Variants in SNW1 observed in about 807,000 individuals in gnomAD.
SNW1 encodes SNW domain-containing protein 1.
A neutral mutation model predicts 75.6 loss-of-function variants in SNW1; 9 were observed. That is an observed-to-expected ratio of 0.12 (90% CI 0.07 to 0.21). SNW1 has a LOEUF of 0.21. Among genes scored for constraint, SNW1 ranks in the 10% least tolerant of loss-of-function variants. The pLI is 1.00. For synonymous variants in SNW1, 200 were observed against 219.1 expected (o/e 0.91, Z 0.77); for missense variants, 409 against 670.9 (o/e 0.61, Z 4.31).
intron 10 of SNW1, among the ~76,000 whole-genome samples, chr14:77,724,983 C>G (rs1213751422): frequency 6.7e-6 from 1 of 148,836 alleles, no homozygotes; most frequent in African/African-American, 2.6e-5. Context: ...TACTAGTGTT[C>G]CCCCCCTTCT....
intron 5 of SNW1, among the ~76,000 whole-genome samples, chr14:77,738,502 C>T (rs1189027554): frequency 6.6e-6 from 1 of 151,956 alleles, no homozygotes; most frequent in African/African-American, 2.4e-5. Flanking sequence ...ATCACCTGAG[C>T]CCAGGAGGTG....
intron 3 of SNW1, among the ~76,000 whole-genome samples, chr14:77,742,991 C>T (rs35657726): frequency 0.34 from 50,846 of 151,420 alleles, 9,816 homozygotes; most frequent in East Asian, 0.5. Flanking sequence ...TTTAGGAGGC[C>T]GAGGTGGGTG....
chr14:77,733,467 G>A (rs2080643212), intron 8 of SNW1, among the ~76,000 whole-genome samples: 2 of 150,936 alleles, frequency 1.3e-5, no homozygotes, highest in Admixed American at 1.3e-4. Flanking sequence ...AAAAAAGGCT[G>A]GGTGCAGTAG....
At chr14:77,727,818 C>A (rs964179324) in intron 10 of SNW1, among the ~76,000 whole-genome samples, 55 of 152,028 alleles carry the variant, frequency 3.6e-4, no homozygotes, top group Non-Finnish European at 5.9e-5. Context: ...ATTTTTGCAT[C>A]TAAGATTATC....
chr14:77,731,993 C>T (rs1008987347), intron 9 of SNW1, among the ~76,000 whole-genome samples: 17 of 152,142 alleles, frequency 1.1e-4, no homozygotes, highest in African/African-American at 3.9e-4. Flanking sequence ...GTCTTGGCCT[C>T]CCAAAATGCT....
chr14:77,722,560 AAC>A (rs1205252132), intron 11 of SNW1: 2 of 434,736 alleles, frequency 4.6e-6, no homozygotes, highest in African/African-American at 4.1e-5. Flanking sequence ...AACGGACTAT[AAC>A]AGTCCAAATT....
chr14:77,741,129 T>G (rs1485301874), intron 3 of SNW1, among the ~76,000 whole-genome samples: 2 of 148,686 alleles, frequency 1.3e-5, no homozygotes, highest in African/African-American at 2.5e-5. Context: ...GTGTCTCCTG[T>G]GCTTTATAAT....
Position 77,755,023 on chromosome 14 carries a change from G to T in SNW1, c.112C>A (p.Arg38=). ...RSRQTSLVSS[R]REPPPYGYRK... is the part of the protein sequence containing the mutation. ...TATCCGTACGGGGGAGGTTCTCTTC[G>T]GGAGGAGACCAGTGAGGTCTGCCGT... The change falls in exon 2 of 14, where the codon CGA becomes AGA. Residue 38 remains arginine (R), a synonymous_variant. Coordinates refer to ENST00000261531, the MANE Select transcript of SNW1 (RefSeq NM_012245.3). 1.9e-6 allele frequency: 3 copies of T among 1,611,138 alleles called. No individual in the cohort carries two copies. Among genetic ancestry groups the T allele is most frequent in the Non-Finnish European group, 2.5e-6 (3 of 1,178,930 alleles).
intron 1 of SNW1, among the ~76,000 whole-genome samples, chr14:77,759,821 T>A (rs8020131): frequency 0.33 from 49,896 of 150,974 alleles, 8,336 homozygotes; most frequent in Non-Finnish European, 0.35. Flanking sequence ...AGTTTTTTTT[T>A]AAAAAAATTT....
intron 3 of SNW1, among the ~76,000 whole-genome samples, chr14:77,742,127 G>C (rs1300319040): frequency 6.6e-6 from 1 of 152,014 alleles, no homozygotes; most frequent in East Asian, 1.9e-4. Flanking sequence ...CGCCTCCCGG[G>C]TTAAAACCAT....
At chr14:77,724,417 CACTA>C (rs763573544) in intron 10 of SNW1, among the ~76,000 whole-genome samples, 3 of 152,122 alleles carry the variant, frequency 2.0e-5, no homozygotes, top group African/African-American at 4.8e-5. Context: ...AATAAATTAT[CACTA>C]ACTATTCACC....
chr14:77,724,763 C>G (rs1284250467), intron 10 of SNW1, among the ~76,000 whole-genome samples: 1 of 152,202 alleles, frequency 6.6e-6, no homozygotes. Context: ...CTGGACACAA[C>G]TTGATTCCGT....
At chr14:77,761,044 T>G in intron 1 of SNW1, 70 bp downstream of exon 1, 1 of 1,614,190 alleles carries the variant, frequency 6.2e-7, no homozygotes, top group Non-Finnish European at 8.5e-7. Context: ...CCGGAGGGTA[T>G]GGGAAGAGAA....
At chr14:77,741,235 C>T (rs752350882) in intron 3 of SNW1, among the ~76,000 whole-genome samples, 2 of 150,960 alleles carry the variant, frequency 1.3e-5, no homozygotes, top group Non-Finnish European at 3.0e-5. Flanking sequence ...GTTTATAGGC[C>T]ATGAACAGTG....
intron 1 of SNW1, among the ~76,000 whole-genome samples, chr14:77,756,388 C>G (rs1415282332): frequency 6.6e-6 from 1 of 152,162 alleles, no homozygotes; most frequent in Non-Finnish European, 1.5e-5. Flanking sequence ...CTCCATCTCC[C>G]AAAGTACTGG....
chr14:77,740,850 A>G (rs1471948464), intron 3 of SNW1, among the ~76,000 whole-genome samples: 8 of 152,136 alleles, frequency 5.3e-5, no homozygotes, highest in Admixed American at 5.2e-4. Flanking sequence ...TAATCCCAGC[A>G]CTTTGGGAGG....
intron 8 of SNW1, among the ~76,000 whole-genome samples, chr14:77,734,486 T>C (rs906580670): frequency 2.0e-5 from 3 of 152,216 alleles, no homozygotes; most frequent in East Asian, 1.9e-4. Context: ...ACACCTGCAA[T>C]CTAAGCCCTT....
At chr14:77,754,579 A>G (rs1241018829) in intron 2 of SNW1, among the ~76,000 whole-genome samples, 1 of 152,178 alleles carries the variant, frequency 6.6e-6, no homozygotes, top group Non-Finnish European at 1.5e-5. Context: ...TTGTCTCTTC[A>G]GGGTTATGTG....
Position 77,740,621 on chromosome 14 carries a change from A to G in SNW1, c.331-1560T>C, listed in dbSNP as rs573038258. ...GAGTTCTGTTTATCATTCTTCAAGT[A>G]AGCTCTCAATCTGTGTGTCTCAGAT... On this transcript the variant is annotated intron_variant, in intron 3 of 13. Coordinates refer to ENST00000261531, the MANE Select transcript of SNW1 (RefSeq NM_012245.3). Among the ~76,000 whole-genome samples, 11 of 152,242 alleles carry G rather than the reference A, an allele frequency of 7.2e-5. No individual in the cohort carries two copies. The East Asian group carries it at 1.4e-3, about 19-fold the overall frequency.
Sources: gnomAD v4.1 joint callset for allele counts (sites outside exome capture counted in the v4.1 genomes callset) on GRCh38, gnomAD v4.1.1 for gene constraint, MANE v1.5 for transcripts, NCBI Gene and HGNC (gene_info 2026-07-23, HGNC 2026-07-21) for gene names.